SOX12: variants seen among roughly 807,000 people sequenced by gnomAD.
SOX12 encodes SRY-box transcription factor 12.
A neutral mutation model predicts 21.5 loss-of-function variants in SOX12; 8 were observed. The observed-to-expected ratio is 0.37, with a 90% CI of 0.22 to 0.67. SOX12 has a LOEUF of 0.67. SOX12 is among the 30% of genes least tolerant of loss of function. The pLI is 0.56. For missense variants in SOX12, 400 were observed against 482.6 expected (o/e 0.83, Z 1.60); for synonymous variants, 235 against 224.2 (o/e 1.05, Z -0.43).
rs916832811 is a variant in SOX12 at position 327,878 on chromosome 20, C to G, written c.*1006C>G. On this transcript the variant is annotated 3_prime_UTR_variant, in exon 1 of 1. Coordinates refer to ENST00000342665, the MANE Select transcript of SOX12 (RefSeq NM_006943.4). ...CCCCTCCTGGGAAGTGCCCCCTCAC[C>G]TCAGGGCACCCGCAACCTGGGCTCC... The G allele has an allele frequency of 1.2e-5, 2 of 167,328 alleles. No individual in the cohort carries two copies. Among genetic ancestry groups the G allele is most frequent in the Admixed American group, 1.3e-4 (2 of 15,290 alleles). 10.4% of individuals were successfully genotyped at this position (167,328 alleles called of 1,614,324 possible).
rs905179508 is a variant in SOX12 at position 328,960 on chromosome 20, A to T, written c.*2088A>T. 1 of 167,122 alleles carries T rather than the reference A, an allele frequency of 6.0e-6. No homozygotes were observed. Among genetic ancestry groups the T allele is most frequent in the African/African-American group, 2.4e-5 (1 of 41,462 alleles). The allele number at this position is 167,122 out of a possible 1,614,324, so 10.4% of individuals were successfully genotyped here. A position where few individuals can be genotyped will look rare whatever the true frequency, so the allele number is the denominator to read the frequency against. Reference sequence around the variant, plus strand: ...GTGACTCTGGGTGGACAGTGGTGTCATGACCCACTTCAAGGGGCCTACCTC... The same window carrying T: ...GTGACTCTGGGTGGACAGTGGTGTCTTGACCCACTTCAAGGGGCCTACCTC... On this transcript the variant is annotated 3_prime_UTR_variant, in exon 1 of 1. Transcript: ENST00000342665.
At position 325,840 on chromosome 20, in the gene SOX12, G is replaced by T; in HGVS notation, c.-85G>T. On this transcript the variant is annotated 5_prime_UTR_variant, in exon 1 of 1. Coordinates refer to ENST00000342665, the MANE Select transcript of SOX12 (RefSeq NM_006943.4). This position sits in a 1 kb window ranked among gnomAD's most constrained non-coding sequence, Gnocchi z 5.0. ...AGCCGCGGGGCGGGGCCGCCCCTCC[G>T]TCGCCGCTGCCTCCTCCCCCACCCC... The T allele has an allele frequency of 1.3e-6, 1 of 785,080 alleles. No individual in the cohort carries two copies. The highest frequency in any genetic ancestry group is 1.6e-6 in the Non-Finnish European group (1 of 640,940). The allele number at this position is 785,080 out of a possible 1,614,324, so 48.6% of individuals were successfully genotyped here.
chr20:328,518 T>TCTTTCTA lies in SOX12; in HGVS notation c.*1646_*1647insCTTTCTA, dbSNP rs773658367. On this transcript the variant is annotated 3_prime_UTR_variant, in exon 1 of 1. Coordinates refer to ENST00000342665, the MANE Select transcript of SOX12 (RefSeq NM_006943.4). ...GGCTCTGGGCCTTTCTTGCGCTCTA[T>TCTTTCTA]TTTTTTTTTTTTTTTTTTTAAGAAA... 4.8e-5 allele frequency: 1 copy of TCTTTCTA among 20,760 alleles called. No homozygotes were observed. The highest frequency in any genetic ancestry group is 0.062 in the East Asian group (1 of 16). The allele number at this position is 20,760 out of a possible 1,614,324, so 1.3% of individuals were successfully genotyped here.
Position 326,660 on chromosome 20 carries a change from G to T in SOX12, c.736G>T (p.Ala246Ser), listed in dbSNP as rs776214890. ...TGAGGAAGGTGAAGAGGAGACGGTG[G>T]CGTCGGGGGAGGAGTCGCTGGGCTT... ...AAEEGEEETV[A>S]SGEESLGFLS... Residue 246 changes from alanine to serine, a missense_variant, in exon 1 of 1, where the codon GCG (alanine) becomes TCG (serine). By Grantham distance (99) the Ala-to-Ser change is moderately conservative (BLOSUM62 1). Coordinates refer to ENST00000342665, the MANE Select transcript of SOX12 (RefSeq NM_006943.4). The surrounding 1 kb of genome is among the most constrained non-coding windows in gnomAD (Gnocchi z 9.9). 4.5e-6 allele frequency: 7 copies of T among 1,553,544 alleles called. No individual in the cohort carries two copies. Among genetic ancestry groups the T allele is most frequent in the Non-Finnish European group, 6.1e-6 (7 of 1,148,444 alleles).
rs774332168 is a variant in SOX12 at position 326,221 on chromosome 20, G to A, written c.297G>A (p.Lys99=). The stretch of plus-strand genomic sequence containing the variant: ...GGGAGGCGGAGCGGCTGCGGCTCAA[G>A]CACATGGCGGATTACCCGGACTACA... ...FVREAERLRL[K]HMADYPDYKY... The change falls in exon 1 of 1, where the codon AAG becomes AAA. Residue 99 remains lysine (K), a synonymous_variant. Transcript: ENST00000342665. The surrounding 1 kb of genome is among the most constrained non-coding windows in gnomAD (Gnocchi z 9.9). 1 of 1,587,596 alleles carries A rather than the reference G, an allele frequency of 6.3e-7. No individual in the cohort carries two copies. Among genetic ancestry groups the A allele is most frequent in the South Asian group, 1.1e-5 (1 of 87,660 alleles).
In SOX12 at chr20:328,502, C is replaced by T. The variant is rs1249956839; in HGVS notation, c.*1630C>T. The stretch of plus-strand genomic sequence containing the variant: ...TTAAGCTTGGTGCTCCGGCTCTGGG[C>T]CTTTCTTGCGCTCTATTTTTTTTTT... On this transcript the variant is annotated 3_prime_UTR_variant, in exon 1 of 1. Transcript: ENST00000342665. The T allele has an allele frequency of 6.2e-6, 1 of 160,038 alleles. No homozygotes were observed. The allele number at this position is 160,038 out of a possible 1,614,324, so 9.9% of individuals were successfully genotyped here. A position where few individuals can be genotyped will look rare whatever the true frequency, so the allele number is the denominator to read the frequency against.
Position 326,260 on chromosome 20 carries a change from CA to C in SOX12, c.341del (p.Lys114ArgfsTer185). On this transcript the variant is annotated frameshift_variant, in exon 1 of 1. Transcript: ENST00000342665. LOFTEE classifies it high-confidence loss of function. The surrounding 1 kb of genome is among the most constrained non-coding windows in gnomAD (Gnocchi z 9.9). Reference sequence around the variant, plus strand: ...ACCCGGACTACAAGTACCGGCCGCGCAAAAAGAGCAAGGGGGCGCCCGCCAA... The same window carrying C: ...ACCCGGACTACAAGTACCGGCCGCGCAAAAGAGCAAGGGGGCGCCCGCCAA... ...DYPDYKYRPR[K>X]KSKGAPAKAR... The C allele has an allele frequency of 1.3e-6, 2 of 1,525,660 alleles. No individual in the cohort carries two copies. Among genetic ancestry groups the C allele is most frequent in the Non-Finnish European group, 1.8e-6 (2 of 1,138,092 alleles). 94.5% of individuals were successfully genotyped at this position (1,525,660 alleles called of 1,614,324 possible).
chr20:325,890 C>T lies in SOX12; in HGVS notation c.-35C>T, dbSNP rs1323588345. Reference sequence around the variant, plus strand: ...CCAGCCGCGGAGGATGCGGACGGCCCCCGGCGGCGTCTAGCGGCCCCGGGC... The same window carrying T: ...CCAGCCGCGGAGGATGCGGACGGCCTCCGGCGGCGTCTAGCGGCCCCGGGC... On this transcript the variant is annotated 5_prime_UTR_variant, in exon 1 of 1. Transcript: ENST00000342665. The surrounding 1 kb of genome is among the most constrained non-coding windows in gnomAD (Gnocchi z 5.0). 2.8e-6 allele frequency: 3 copies of T among 1,077,816 alleles called. No homozygotes were observed. Among genetic ancestry groups the T allele is most frequent in the Non-Finnish European group, 3.4e-6 (3 of 891,484 alleles). 66.8% of individuals were successfully genotyped at this position (1,077,816 alleles called of 1,614,324 possible).
At position 326,987 on chromosome 20, in the gene SOX12, C is replaced by A. The variant is rs577623048; in HGVS notation, c.*115C>A. The A allele has an allele frequency of 1.1e-5, 11 of 974,900 alleles. No individual in the cohort carries two copies. The highest frequency in any genetic ancestry group is 1.8e-5 in the Non-Finnish European group (11 of 607,468). The allele number at this position is 974,900 out of a possible 1,614,324, so 60.4% of individuals were successfully genotyped here. On this transcript the variant is annotated 3_prime_UTR_variant, in exon 1 of 1. Coordinates refer to ENST00000342665, the MANE Select transcript of SOX12 (RefSeq NM_006943.4). This position sits in a 1 kb window ranked among gnomAD's most constrained non-coding sequence, Gnocchi z 9.9. Reference sequence around the variant, plus strand: ...ACCCCATCTCCCGCGCAGCCTGCCCCCTCCTGGACGTGCCCATCCCCCCTC... The same window carrying A: ...ACCCCATCTCCCGCGCAGCCTGCCCACTCCTGGACGTGCCCATCCCCCCTC...
chr20:325,625 C>G lies in SOX12; in HGVS notation c.-300C>G, dbSNP rs1451017950. The G allele has an allele frequency of 1.3e-5, 2 of 150,750 alleles. No individual in the cohort carries two copies. The highest frequency in any genetic ancestry group is 3.9e-4 in the East Asian group (2 of 5,118). The allele number at this position is 150,750 out of a possible 1,614,324, so 9.3% of individuals were successfully genotyped here. A position where few individuals can be genotyped will look rare whatever the true frequency, so the allele number is the denominator to read the frequency against. On this transcript the variant is annotated 5_prime_UTR_variant, in exon 1 of 1. Coordinates refer to ENST00000342665, the MANE Select transcript of SOX12 (RefSeq NM_006943.4). This position sits in a 1 kb window ranked among gnomAD's most constrained non-coding sequence, Gnocchi z 5.0. ...GCGGAGCCAGAGGCTGCAGGAAGAG[C>G]CCGCGGGGGCCCGGAGGGTGCGATT...
rs1235093477 is a variant in SOX12, at chr20:325,976, C to T, written c.52C>T (p.Pro18Ser). 7.0e-7 allele frequency: 1 copy of T among 1,433,278 alleles called. No individual in the cohort carries two copies. 88.8% of individuals were successfully genotyped at this position (1,433,278 alleles called of 1,614,324 possible). ...RAKRDGGPPP[P>S]GPGPAEEGAR... ...CAAGCGGGACGGCGGGCCGCCGCCC[C>T]CGGGACCCGGGCCGGCCGAGGAGGG... Residue 18 changes from proline (P) to serine (S), a missense_variant, in exon 1 of 1, where the codon CCG becomes TCG. This residue lies in a region of SOX12 where 56 missense variants were observed against 51.5 expected (regional missense o/e 1.09). Transcript: ENST00000342665. This position sits in a 1 kb window ranked among gnomAD's most constrained non-coding sequence, Gnocchi z 5.0.
Position 330,205 on chromosome 20 carries a change from T to A in SOX12, c.*3333T>A, listed in dbSNP as rs753508722. On this transcript the variant is annotated 3_prime_UTR_variant, in exon 1 of 1. Coordinates refer to ENST00000342665, the MANE Select transcript of SOX12 (RefSeq NM_006943.4). ...TCTTTTCACAGGTGCTTATTCCTAATAAACATCTTGCAACCCAAACTCAGT... is the reference window on the plus strand; with the variant it reads ...TCTTTTCACAGGTGCTTATTCCTAAAAAACATCTTGCAACCCAAACTCAGT... 6.0e-6 allele frequency: 1 copy of A among 166,814 alleles called. No homozygotes were observed. The highest frequency in any genetic ancestry group is 1.5e-5 in the Non-Finnish European group (1 of 68,190). 10.3% of individuals were successfully genotyped at this position (166,814 alleles called of 1,614,324 possible).
rs1390618405 is a variant in SOX12, at chr20:326,481, T to C, written c.557T>C (p.Leu186Pro). ...CTGGTCGAGACCCCGGGGCGGGAGC[T>C]GTGGAGGATGGTCCCGGCGGGACGG... is the stretch of plus-strand genomic sequence containing the variant. ...VRLVETPGRE[L>P]WRMVPAGRAA... Residue 186 changes from leucine (L) to proline (P), a missense_variant, in exon 1 of 1, where the codon CTG becomes CCG. This residue lies in a region of SOX12 where 235 missense variants were observed against 219.3 expected (regional missense o/e 1.07). Transcript: ENST00000342665. This position sits in a 1 kb window ranked among gnomAD's most constrained non-coding sequence, Gnocchi z 9.9. The C allele has an allele frequency of 1.4e-5, 20 of 1,405,860 alleles. No homozygotes were observed. Among genetic ancestry groups the C allele is most frequent in the Non-Finnish European group, 1.7e-5 (18 of 1,090,552 alleles). The allele number at this position is 1,405,860 out of a possible 1,614,324, so 87.1% of individuals were successfully genotyped here.
rs187518923 is a variant in SOX12 at position 329,479 on chromosome 20, G to A, written c.*2607G>A. 2.4e-5 allele frequency: 4 copies of A among 167,088 alleles called. No individual in the cohort carries two copies. Among genetic ancestry groups the A allele is most frequent in the East Asian group, 1.9e-4 (1 of 5,188 alleles). The allele number at this position is 167,088 out of a possible 1,614,324, so 10.4% of individuals were successfully genotyped here. A position where few individuals can be genotyped will look rare whatever the true frequency, so the allele number is the denominator to read the frequency against. ...CTGCTTCCTGGTGAAGCATGGCTTC[G>A]GGGTGCTGCCTCTCCCTCCCTGTTT... On this transcript the variant is annotated 3_prime_UTR_variant, in exon 1 of 1. Coordinates refer to ENST00000342665, the MANE Select transcript of SOX12 (RefSeq NM_006943.4).
At position 326,253 on chromosome 20, in the gene SOX12, G is replaced by A. The variant is rs765814571; in HGVS notation, c.329G>A (p.Arg110Gln). ...HMADYPDYKY[R>Q]PRKKSKGAPA... ...GCGGATTACCCGGACTACAAGTACCGGCCGCGCAAAAAGAGCAAGGGGGCG... is the reference window on the plus strand; with the variant it reads ...GCGGATTACCCGGACTACAAGTACCAGCCGCGCAAAAAGAGCAAGGGGGCG... Residue 110 changes from arginine to glutamine, a missense_variant, in exon 1 of 1, where the codon CGG (arginine) becomes CAG (glutamine). This residue lies in a region of SOX12 where 92 missense variants were observed against 162.0 expected (regional missense o/e 0.57). Transcript: ENST00000342665. The surrounding 1 kb of genome is among the most constrained non-coding windows in gnomAD (Gnocchi z 9.9). 6.5e-7 allele frequency: 1 copy of A among 1,547,360 alleles called. No individual in the cohort carries two copies. Among genetic ancestry groups the A allele is most frequent in the South Asian group, 1.2e-5 (1 of 83,362 alleles).
rs2013165985 is a variant in SOX12, at chr20:330,003, G to A, written c.*3131G>A. 6.0e-6 allele frequency: 1 copy of A among 167,116 alleles called. No individual in the cohort carries two copies. The highest frequency in any genetic ancestry group is 2.4e-5 in the African/African-American group (1 of 41,432). 10.4% of individuals were successfully genotyped at this position (167,116 alleles called of 1,614,324 possible). On this transcript the variant is annotated 3_prime_UTR_variant, in exon 1 of 1. Coordinates refer to ENST00000342665, the MANE Select transcript of SOX12 (RefSeq NM_006943.4). ...TCACCTGAGACCACGCCCTTCCTGG[G>A]GCAGCCTGTATCTGGTGTCTGAGTG...
chr20:328,926 C>T lies in SOX12; in HGVS notation c.*2054C>T, dbSNP rs1381909714. The T allele has an allele frequency of 6.0e-6, 1 of 167,104 alleles. No homozygotes were observed. The highest frequency in any genetic ancestry group is 1.5e-5 in the Non-Finnish European group (1 of 68,158). The allele number at this position is 167,104 out of a possible 1,614,324, so 10.4% of individuals were successfully genotyped here. A position where few individuals can be genotyped will look rare whatever the true frequency, so the allele number is the denominator to read the frequency against. The stretch of plus-strand genomic sequence containing the variant: ...ATCCCTGTAGGGACCAGGCAGGTAA[C>T]ATAGACGAGTGACTCTGGGTGGACA... On this transcript the variant is annotated 3_prime_UTR_variant, in exon 1 of 1. Transcript: ENST00000342665.
At position 326,750 on chromosome 20, in the gene SOX12, C is replaced by T; in HGVS notation, c.826C>T (p.Leu276=). The change falls in exon 1 of 1, where the codon CTG becomes TTG. Residue 276 remains leucine (L), a synonymous_variant. Transcript: ENST00000342665. The surrounding 1 kb of genome is among the most constrained non-coding windows in gnomAD (Gnocchi z 9.9). The part of the protein sequence containing the change: ...DCSALDRDPD[L]QPPSGTSHFE... Reference sequence around the variant, plus strand: ...CAGCGCCCTGGATCGCGACCCGGACCTGCAGCCTCCCTCGGGCACGTCGCA... The same window carrying T: ...CAGCGCCCTGGATCGCGACCCGGACTTGCAGCCTCCCTCGGGCACGTCGCA... 2 of 1,612,660 alleles carry T rather than the reference C, an allele frequency of 1.2e-6. No individual in the cohort carries two copies. The highest frequency in any genetic ancestry group is 1.7e-6 in the Non-Finnish European group (2 of 1,179,494).
chr20:325,993 C>T lies in SOX12; in HGVS notation c.69C>T (p.Ala23=), dbSNP rs1389629828. The change falls in exon 1 of 1, where the codon GCC becomes GCT. Residue 23 remains alanine, a synonymous_variant. Coordinates refer to ENST00000342665, the MANE Select transcript of SOX12 (RefSeq NM_006943.4). This position sits in a 1 kb window ranked among gnomAD's most constrained non-coding sequence, Gnocchi z 5.0. ...CGCCGCCCCCGGGACCCGGGCCGGC[C>T]GAGGAGGGGGCGCGCGAGCCCGGCT... ...GGPPPPGPGP[A]EEGAREPGWC... 2 of 1,484,878 alleles carry T rather than the reference C, an allele frequency of 1.3e-6. No homozygotes were observed. Among genetic ancestry groups the T allele is most frequent in the Admixed American group, 4.6e-5 (2 of 43,824 alleles). The allele number at this position is 1,484,878 out of a possible 1,614,324, so 92.0% of individuals were successfully genotyped here.
Sources: allele counts gnomAD v4.1 joint callset, GRCh38; gene constraint gnomAD v4.1.1; regional missense constraint gnomAD v4.1.1; non-coding constraint Gnocchi (gnomAD v3.1); transcripts MANE v1.5; gene names NCBI Gene and HGNC (gene_info 2026-07-23, HGNC 2026-07-21).